Variants in FOSL1 observed in about 807,000 individuals in gnomAD.
FOSL1 encodes FOS like 1, AP-1 transcription factor subunit, also known as fos-related antigen 1.
Under a neutral mutation model 24.9 loss-of-function variants are expected in FOSL1, and 14 were observed. The ratio of observed to expected loss-of-function variants is 0.56; its 90% CI spans 0.37 to 0.88. The LOEUF (loss-of-function observed/expected upper bound fraction) is 0.88, where lower values mean the gene tolerates loss of function less well. Ranked by LOEUF, FOSL1 falls within the 40% of genes least tolerant of loss-of-function variation. The pLI, the probability that FOSL1 is intolerant of heterozygous loss-of-function variation, is 0.00. For synonymous variants in FOSL1, 133 were observed against 145.1 expected, an observed-to-expected ratio of 0.92 and a Z score of 0.60; for missense variants, 318 against 359.8, an observed-to-expected ratio of 0.88 and a Z score of 0.94.
chr11:65,896,121 C>A (rs143002896), intron 2 of FOSL1, among the ~76,000 whole-genome samples: 12 of 152,234 alleles, frequency 7.9e-5, no homozygotes, highest in Non-Finnish European at 5.9e-5. Context: ...CTGCCTAGGT[C>A]TCTCAAAGTG....
At chr11:65,896,560 T>G (rs1860530970) in intron 2 of FOSL1, among the ~76,000 whole-genome samples, 1 of 152,124 alleles carries the variant, frequency 6.6e-6, no homozygotes, top group South Asian at 2.1e-4. Flanking sequence ...CCTCTCTGCC[T>G]CTGCCAGTCC....
intron 2 of FOSL1, among the ~76,000 whole-genome samples, chr11:65,895,425 TA>T (rs1176612299): frequency 6.6e-6 from 1 of 152,120 alleles, no homozygotes; most frequent in African/African-American, 2.4e-5. Context: ...TGCCTGGCCT[TA>T]AACTAGATTC....
Position 65,900,347 on chromosome 11 carries a change from G to T in FOSL1, c.-8C>A, listed in dbSNP as rs1283359375. On this transcript the variant is annotated 5_prime_UTR_variant, in exon 1 of 4. Coordinates refer to ENST00000312562, the MANE Select transcript of FOSL1 (RefSeq NM_005438.5). ...CCCGAAGTCTCGGAACATGCCCGGG[G>T]CTGGCGGCTCTGCGGGGTACACGGC... 4.9e-6 allele frequency: 6 copies of T among 1,232,202 alleles called. No homozygotes were observed. Among genetic ancestry groups the T allele is most frequent in the Non-Finnish European group, 6.1e-6 (6 of 985,410 alleles). The allele number at this position is 1,232,202 out of a possible 1,614,324, so 76.3% of individuals were successfully genotyped here. A position where few individuals can be genotyped will look rare whatever the true frequency, so the allele number is the denominator to read the frequency against.
rs1253695606 is a variant in FOSL1 at position 65,892,765 on chromosome 11, G to A, written c.*121C>T. On this transcript the variant is annotated 3_prime_UTR_variant, in exon 4 of 4. Transcript: ENST00000312562. The stretch of plus-strand genomic sequence containing the variant: ...GCACAATATGGTCAGTCTCATTAGA[G>A]GGATGGAGAAGAAGTTGCTGGAGTT... 2.1e-6 allele frequency: 2 copies of A among 941,768 alleles called. No homozygotes were observed. The highest frequency in any genetic ancestry group is 4.9e-5 in the East Asian group (2 of 40,822). 58.3% of individuals were successfully genotyped at this position (941,768 alleles called of 1,614,324 possible). A position where few individuals can be genotyped will look rare whatever the true frequency, so the allele number is the denominator to read the frequency against.
Position 65,893,036 on chromosome 11 carries a change from G to C in FOSL1, c.666C>G (p.Thr222=), listed in dbSNP as rs769224863. The C allele has an allele frequency of 2.5e-6, 4 of 1,612,110 alleles. No individual in the cohort carries two copies. The South Asian group carries it at 4.4e-5, about 18-fold the overall frequency. ...PEALHTPTLM[T]TPSLTPFTPS... is the part of the protein sequence containing the mutation. Reference sequence around the variant, plus strand: ...GGGTGAAAGGAGTTAGGGAGGGTGTGGTCATGAGTGTGGGGGTGTGCAGTG... The same window carrying C: ...GGGTGAAAGGAGTTAGGGAGGGTGTCGTCATGAGTGTGGGGGTGTGCAGTG... Residue 222 remains threonine (T), a synonymous_variant, in exon 4 of 4, where the codon ACC becomes ACG. Coordinates refer to ENST00000312562, the MANE Select transcript of FOSL1 (RefSeq NM_005438.5).
chr11:65,900,007 C>G (rs1191733903), intron 1 of FOSL1, among the ~76,000 whole-genome samples: 1 of 152,244 alleles, frequency 6.6e-6, no homozygotes, highest in Non-Finnish European at 1.5e-5. Flanking sequence ...GAGGGACGGA[C>G]GCGGACGGCG....
At position 65,893,394 on chromosome 11, in the gene FOSL1, G is replaced by C. The variant is rs1591084977; in HGVS notation, c.406-98C>G. The stretch of plus-strand genomic sequence containing the variant: ...GGTTCTGAGGAGCTGGGGTTGGGCG[G>C]GGGGAGAGGGGGGGCAGTGGAGAGT... On this transcript the variant is annotated intron_variant, in intron 3 of 3. Transcript: ENST00000312562. 3.6e-5 allele frequency: 31 copies of C among 872,696 alleles called. 1 individual carries two copies. In the East Asian group the frequency reaches 7.9e-4, roughly 22 times the overall value. 54.1% of individuals were successfully genotyped at this position (872,696 alleles called of 1,614,324 possible).
chr11:65,896,828 C>G lies in FOSL1; in HGVS notation c.278G>C (p.Arg93Pro). The change falls in exon 2 of 4, where the codon CGT (arginine) becomes CCT (proline). Residue 93 changes from arginine to proline, a missense_variant. Transcript: ENST00000312562. ...IRALGPPPGV[R>P]RRPCEQISPE... ...CCTTACCTGTTCACAAGGCCTTCGA[C>G]GTACCCCTGGAGGCGGCCCCAGGGC... 6.2e-7 allele frequency: 1 copy of G among 1,610,348 alleles called. No homozygotes were observed. The highest frequency in any genetic ancestry group is 8.5e-7 in the Non-Finnish European group (1 of 1,177,712).
Position 65,892,458 on chromosome 11 carries a change from G to A in FOSL1, c.*428C>T, listed in dbSNP as rs1860408502. 1 of 400,100 alleles carries A rather than the reference G, an allele frequency of 2.5e-6. No individual in the cohort carries two copies. Among genetic ancestry groups the A allele is most frequent in the Non-Finnish European group, 5.0e-6 (1 of 200,544 alleles). The allele number at this position is 400,100 out of a possible 1,614,324, so 24.8% of individuals were successfully genotyped here. A position where few individuals can be genotyped will look rare whatever the true frequency, so the allele number is the denominator to read the frequency against. ...AATCACCTGCTGCTGCTGGCAGTGGGGCTGGTGAGTTAGTGTTCTAGGTGG... is the reference window on the plus strand; with the variant it reads ...AATCACCTGCTGCTGCTGGCAGTGGAGCTGGTGAGTTAGTGTTCTAGGTGG... On this transcript the variant is annotated 3_prime_UTR_variant, in exon 4 of 4. Transcript: ENST00000312562.
chr11:65,894,284 G>A (rs753059614), intron 2 of FOSL1, among the ~76,000 whole-genome samples, 163 bp from the exon 3 acceptor site: 4 of 152,148 alleles, frequency 2.6e-5, no homozygotes, highest in Non-Finnish European at 4.4e-5. Context: ...GCACTGAGGC[G>A]CTGTCTGCTT....
chr11:65,896,977 G>A lies in FOSL1; in HGVS notation c.129C>T (p.Thr43=). The change falls in exon 2 of 4, where the codon ACC becomes ACT. Residue 43 remains threonine, a synonymous_variant. Transcript: ENST00000312562. ...ACTGCAGCTCCTGACTGCCACTCAT[G>A]GTGTTGATGCTTGGCACCAGGTGGA... The part of the protein sequence containing the change: ...QKFHLVPSIN[T]MSGSQELQWM... 2 of 1,614,118 alleles carry A rather than the reference G, an allele frequency of 1.2e-6. No homozygotes were observed. The highest frequency in any genetic ancestry group is 1.7e-6 in the Non-Finnish European group (2 of 1,179,982).
At position 65,896,128 on chromosome 11, in the gene FOSL1, A is replaced by G. The variant is rs776171598; in HGVS notation, c.297+681T>C. Among the ~76,000 whole-genome samples, 67 of 152,060 alleles carry G rather than the reference A, an allele frequency of 4.4e-4. 1 individual carries two copies. The highest frequency in any genetic ancestry group is 4.4e-5 in the Non-Finnish European group (3 of 68,022). Reference sequence around the variant, plus strand: ...TGATCCTCCTGCCTAGGTCTCTCAAAGTGCTGGGATTACAGGCATGAGCTA... The same window carrying G: ...TGATCCTCCTGCCTAGGTCTCTCAAGGTGCTGGGATTACAGGCATGAGCTA... On this transcript the variant is annotated intron_variant, in intron 2 of 3. Coordinates refer to ENST00000312562, the MANE Select transcript of FOSL1 (RefSeq NM_005438.5).
intron 2 of FOSL1, among the ~76,000 whole-genome samples, chr11:65,896,115 C>T (rs915044686): frequency 3.3e-5 from 5 of 152,140 alleles, no homozygotes; most frequent in African/African-American, 1.2e-4. Flanking sequence ...ATCCTCCTGC[C>T]TAGGTCTCTC....
At position 65,900,313 on chromosome 11, in the gene FOSL1, G is replaced by A; in HGVS notation, c.27C>T (p.Gly9=). ...ACCCGCCGCCGTTCCCGGAGCTCGG[G>A]CCGGGTTCCCCGAAGTCTCGGAACA... is the stretch of plus-strand genomic sequence containing the variant. The part of the protein sequence containing the change: MFRDFGEP[G]PSSGNGGGYG... The change falls in exon 1 of 4, where the codon GGC becomes GGT. Residue 9 remains glycine (G), a synonymous_variant. Coordinates refer to ENST00000312562, the MANE Select transcript of FOSL1 (RefSeq NM_005438.5). 8.0e-7 allele frequency: 1 copy of A among 1,243,922 alleles called. No individual in the cohort carries two copies. The highest frequency in any genetic ancestry group is 1.0e-6 in the Non-Finnish European group (1 of 994,098). The allele number at this position is 1,243,922 out of a possible 1,614,324, so 77.1% of individuals were successfully genotyped here. A position where few individuals can be genotyped will look rare whatever the true frequency, so the allele number is the denominator to read the frequency against.
chr11:65,896,856 G>A lies in FOSL1; in HGVS notation c.250C>T (p.Arg84Trp), dbSNP rs369289692. 83 of 1,613,432 alleles carry A rather than the reference G, an allele frequency of 5.1e-5. No individual in the cohort carries two copies. The highest frequency in any genetic ancestry group is 1.6e-4 in the African/African-American group (12 of 74,894). The change falls in exon 2 of 4, where the codon CGG (arginine) becomes TGG (tryptophan). Residue 84 changes from arginine (R) to tryptophan (W), a missense_variant. Coordinates refer to ENST00000312562, the MANE Select transcript of FOSL1 (RefSeq NM_005438.5). ...ACCCCTGGAGGCGGCCCCAGGGCCC[G>A]GATGACTCCTGGCCGGGGTTGTGGG... ...SPPQPRPGVI[R>W]ALGPPPGVRR...
At chr11:65,895,341 G>T (rs1488547421) in intron 2 of FOSL1, among the ~76,000 whole-genome samples, 1 of 151,672 alleles carries the variant, frequency 6.6e-6, no homozygotes, top group Non-Finnish European at 1.5e-5. Context: ...AGCCAGGATG[G>T]TCTCGATCTC....
chr11:65,897,987 A>T (rs1278827337), intron 1 of FOSL1, among the ~76,000 whole-genome samples: 1 of 148,398 alleles, frequency 6.7e-6, no homozygotes, highest in Non-Finnish European at 1.5e-5. Context: ...CAGCCTCCCA[A>T]GTAGCTGGGA....
At chr11:65,897,053 G>C (rs1424641991) in intron 1 of FOSL1, 47 bp from the exon 2 acceptor site, 1 of 1,446,098 alleles carries the variant, frequency 6.9e-7, no homozygotes, top group Admixed American at 1.7e-5. Flanking sequence ...CGTGTGGATT[G>C]AGGGGCTTCC....
chr11:65,893,957 TGG>T, intron 3 of FOSL1, 55 bp downstream of exon 3: 1 of 1,215,720 alleles, frequency 8.2e-7, no homozygotes, highest in Non-Finnish European at 1.2e-6. Context: ...ACTGGGGCTC[TGG>T]GGGCTCTGGG....
Sources: allele counts gnomAD v4.1 joint callset (sites outside exome capture counted in the v4.1 genomes callset), GRCh38; gene constraint gnomAD v4.1.1; transcripts MANE v1.5; gene names NCBI Gene and HGNC (gene_info 2026-07-23, HGNC 2026-07-21).